EIF3M: variants seen among roughly 807,000 people sequenced by gnomAD.
EIF3M encodes B5 receptor.
EIF3M carries 25 observed loss-of-function variants against 49.7 expected under a neutral mutation model. That is an observed-to-expected ratio of 0.50 (90% CI 0.37 to 0.70). The LOEUF (loss-of-function observed/expected upper bound fraction) is 0.70. Among genes scored for constraint, EIF3M ranks in the 30% least tolerant of loss-of-function variants. EIF3M has a pLI of 0.00. For missense variants in EIF3M, 350 were observed against 440.0 expected (o/e 0.80, Z 1.83); for synonymous variants, 156 against 149.8 (o/e 1.04, Z -0.30).
At chr11:32,593,277 A>T (rs1855129878) in intron 5 of EIF3M, among the ~76,000 whole-genome samples, 1 of 152,230 alleles carries the variant, frequency 6.6e-6, no homozygotes, top group Non-Finnish European at 1.5e-5. Context: ...GAATGACTGC[A>T]TTTATTTATT....
intron 3 of EIF3M, 66 bp downstream of exon 3, chr11:32,588,798 G>C (rs1855046136): frequency 6.3e-7 from 1 of 1,597,604 alleles, no homozygotes; most frequent in South Asian, 1.1e-5. Flanking sequence ...AACTTTTAAT[G>C]GTGCAGAGCA....
At chr11:32,601,960 A>G in intron 10 of EIF3M, 138 bp downstream of exon 10, 1 of 974,912 alleles carries the variant, frequency 1.0e-6, no homozygotes, top group Non-Finnish European at 1.5e-6. Context: ...TAATTTTATT[A>G]AAGTTCAGAC....
rs1166987389 is a variant in EIF3M at position 32,602,292 on chromosome 11, C to T, written c.1018C>T (p.Arg340Trp). ...TTCAATTTTTAGTCATAGCACACAT[C>T]GGACATTTGGAAAACAGCAGTGGCA... ...RKVVVSHSTH[R>W]TFGKQQWQQL... The change falls in exon 11 of 11, where the codon CGG becomes TGG. Residue 340 changes from arginine (R) to tryptophan (W), a missense_variant. Arg to Trp is a moderately radical substitution (Grantham distance 101). Coordinates refer to ENST00000531120, the MANE Select transcript of EIF3M (RefSeq NM_006360.6). 5 of 1,611,050 alleles carry T rather than the reference C, an allele frequency of 3.1e-6. No homozygotes were observed. The highest frequency in any genetic ancestry group is 2.5e-6 in the Non-Finnish European group (3 of 1,178,276).
intron 1 of EIF3M, 193 bp downstream of exon 1, chr11:32,584,122 C>A: frequency 1.5e-6 from 1 of 672,686 alleles, no homozygotes; most frequent in Non-Finnish European, 2.4e-6. Context: ...CCGGCGGTCC[C>A]AGCGCGGGGC....
chr11:32,599,308 G>A (rs150775156), intron 8 of EIF3M, among the ~76,000 whole-genome samples: 2 of 151,966 alleles, frequency 1.3e-5, no homozygotes, highest in South Asian at 2.1e-4. Flanking sequence ...ATTTCTTGGC[G>A]CCTGTAGATT....
At position 32,602,741 on chromosome 11, in the gene EIF3M, A is replaced by G; in HGVS notation, c.*342A>G. On this transcript the variant is annotated 3_prime_UTR_variant, in exon 11 of 11. Coordinates refer to ENST00000531120, the MANE Select transcript of EIF3M (RefSeq NM_006360.6). ...CTGTAGAGCTTTAAATACAACAGTC[A>G]TTTTATTCTAGTAAAAACTATACCA... 2 of 1,169,314 alleles carry G rather than the reference A, an allele frequency of 1.7e-6. No individual in the cohort carries two copies. Among genetic ancestry groups the G allele is most frequent in the East Asian group, 2.5e-5 (1 of 39,230 alleles). The allele number at this position is 1,169,314 out of a possible 1,614,324, so 72.4% of individuals were successfully genotyped here.
intron 6 of EIF3M, chr11:32,594,570 G>A (rs191774247): frequency 8.7e-4 from 160 of 184,852 alleles, no homozygotes; most frequent in African/African-American, 3.7e-3. Context: ...GAGTAATACT[G>A]TTTGTCTCCT....
intron 1 of EIF3M, among the ~76,000 whole-genome samples, chr11:32,585,398 G>A (rs1854979965): frequency 6.6e-6 from 1 of 152,076 alleles, no homozygotes; most frequent in African/African-American, 2.4e-5. Context: ...TGTAACATCA[G>A]TATCGCTGTA....
intron 5 of EIF3M, among the ~76,000 whole-genome samples, chr11:32,590,451 A>G (rs1418401089): frequency 2.6e-5 from 4 of 152,064 alleles, no homozygotes; most frequent in South Asian, 4.1e-4. Flanking sequence ...CACCCCTCTC[A>G]TATTTCGGTT....
chr11:32,603,142 C>T lies in EIF3M; in HGVS notation c.*743C>T. On this transcript the variant is annotated 3_prime_UTR_variant, in exon 11 of 11. Coordinates refer to ENST00000531120, the MANE Select transcript of EIF3M (RefSeq NM_006360.6). Reference sequence around the variant, plus strand: ...ACCATCTCTTGGCTGATTTCCACTACCTTAGTAGTTCTGGCACCAGAAAAG... The same window carrying T: ...ACCATCTCTTGGCTGATTTCCACTATCTTAGTAGTTCTGGCACCAGAAAAG... 1.4e-6 allele frequency: 1 copy of T among 716,402 alleles called. No homozygotes were observed. The highest frequency in any genetic ancestry group is 2.3e-6 in the Non-Finnish European group (1 of 437,172). 44.4% of individuals were successfully genotyped at this position (716,402 alleles called of 1,614,324 possible).
rs1565052085 is a variant in EIF3M, at chr11:32,602,116, T to TAAAG, written c.1005-161_1005-158dup. ...ATTAGAAGGCTTAGGATCAATATGG[T>TAAAG]AAAGATTTTTTTTAAATAATTATGT... On this transcript the variant is annotated intron_variant, in intron 10 of 10. Coordinates refer to ENST00000531120, the MANE Select transcript of EIF3M (RefSeq NM_006360.6). 4.3e-6 allele frequency: 5 copies of TAAAG among 1,154,756 alleles called. No homozygotes were observed. In the South Asian group the frequency reaches 5.7e-5, roughly 13 times the overall value. 71.5% of individuals were successfully genotyped at this position (1,154,756 alleles called of 1,614,324 possible).
In EIF3M at chr11:32,589,092, C is replaced by G. The variant is rs1263461633; in HGVS notation, c.395C>G (p.Ala132Gly). 1.2e-6 allele frequency: 2 copies of G among 1,614,184 alleles called. No homozygotes were observed. Among genetic ancestry groups the G allele is most frequent in the Admixed American group, 3.3e-5 (2 of 60,032 alleles). The part of the protein sequence containing the change: ...TVYCSLIKVA[A>G]SCGAIQYIPT... ...TATTGCAGCCTTATTAAAGTGGCAG[C>G]ATCTTGTGGGGCCATCCAGTACATC... The change falls in exon 4 of 11, where the codon GCA becomes GGA. Residue 132 changes from alanine (A) to glycine (G), a missense_variant. Physicochemically the swap from Ala to Gly is moderately conservative, Grantham distance 60. Coordinates refer to ENST00000531120, the MANE Select transcript of EIF3M (RefSeq NM_006360.6).
chr11:32,591,533 G>A (rs1015896646), intron 5 of EIF3M, among the ~76,000 whole-genome samples: 1 of 152,306 alleles, frequency 6.6e-6, no homozygotes, highest in Admixed American at 6.5e-5. Context: ...CCTCAGGAAT[G>A]TACATCTAAT....
At chr11:32,587,249 C>T (rs761434265) in intron 2 of EIF3M, 105 bp downstream of exon 2, 1 of 1,156,478 alleles carries the variant, frequency 8.6e-7, no homozygotes, top group Non-Finnish European at 1.2e-6. Flanking sequence ...GGATTTGGAA[C>T]CCTCAGATAC....
intron 5 of EIF3M, chr11:32,591,916 A>T (rs1855108528): frequency 3.7e-6 from 1 of 270,374 alleles, no homozygotes; most frequent in Admixed American, 3.8e-5. Flanking sequence ...AAATCATTAT[A>T]GTTCCCACCA....
intron 2 of EIF3M, among the ~76,000 whole-genome samples, chr11:32,587,497 CTGT>C (rs1479407284): frequency 6.6e-6 from 1 of 152,262 alleles, no homozygotes; most frequent in Non-Finnish European, 1.5e-5. Flanking sequence ...AGTCTAAGCA[CTGT>C]TGTTTTCAAT....
intron 2 of EIF3M, among the ~76,000 whole-genome samples, chr11:32,588,085 T>G (rs534087282): frequency 1.3e-5 from 2 of 152,252 alleles, no homozygotes; most frequent in Middle Eastern, 3.4e-3. Flanking sequence ...AGTCTCTGTT[T>G]TACTAGTTAG....
intron 7 of EIF3M, among the ~76,000 whole-genome samples, chr11:32,595,763 T>A (rs1161543358): frequency 1.3e-5 from 2 of 152,226 alleles, no homozygotes; most frequent in African/African-American, 4.8e-5. Flanking sequence ...TAGAGCTCAG[T>A]GTATTTACTG....
In EIF3M at chr11:32,602,628, TTAAAGAAAGGATAA is replaced by T; in HGVS notation, c.*232_*245del. 1 of 749,184 alleles carries T rather than the reference TTAAAGAAAGGATAA, an allele frequency of 1.3e-6. No homozygotes were observed. The highest frequency in any genetic ancestry group is 2.1e-6 in the Non-Finnish European group (1 of 479,300). The allele number at this position is 749,184 out of a possible 1,614,324, so 46.4% of individuals were successfully genotyped here. ...GGATATTGAAGAAGCAATGAGCACTTTAAAGAAAGGATAATATACAGAGAGAAGACAGAAGTAGA... is the reference window on the plus strand; with the variant it reads ...GGATATTGAAGAAGCAATGAGCACTTTATACAGAGAGAAGACAGAAGTAGA... On this transcript the variant is annotated 3_prime_UTR_variant, in exon 11 of 11. Coordinates refer to ENST00000531120, the MANE Select transcript of EIF3M (RefSeq NM_006360.6).
Sources: gnomAD v4.1 joint callset for allele counts (sites outside exome capture counted in the v4.1 genomes callset) on GRCh38, gnomAD v4.1.1 for gene constraint, MANE v1.5 for transcripts, NCBI Gene and HGNC (gene_info 2026-07-23, HGNC 2026-07-21) for gene names.